Variants in FBXL2 observed in about 807,000 individuals in gnomAD.
FBXL2 encodes the protein F-box and leucine rich repeat protein 2, also known as F-box/LRR-repeat protein 2.
In FBXL2, 38 loss-of-function variants were observed where a neutral mutation model predicts 69.2. That is an observed-to-expected ratio of 0.55 (90% CI 0.42 to 0.72). The LOEUF is 0.72. FBXL2 is among the 30% of genes least tolerant of loss of function. The pLI is 0.00. For missense variants in FBXL2, 354 were observed against 520.3 expected, an observed-to-expected ratio of 0.68 and a Z score of 3.11; for synonymous variants, 192 against 201.3, an observed-to-expected ratio of 0.95 and a Z score of 0.39.
downstream of FBXL2, chr3:33,390,478 C>T (rs2043715609): frequency 8.8e-7 from 1 of 1,141,168 alleles, no homozygotes; most frequent in Non-Finnish European, 1.3e-6. Flanking sequence ...CAGAGGTTAC[C>T]TTTAAATGAT....
chr3:33,365,868 C>T (rs1006547329), intron 5 of FBXL2, among the ~76,000 whole-genome samples: 1 of 152,082 alleles, frequency 6.6e-6, no homozygotes, highest in Non-Finnish European at 1.5e-5. Context: ...TTAGGATATA[C>T]CCCCCATAAC....
At chr3:33,363,055 T>C (rs1422667517) in intron 4 of FBXL2, among the ~76,000 whole-genome samples, 1 of 152,156 alleles carries the variant, frequency 6.6e-6, no homozygotes, top group East Asian at 1.9e-4. Flanking sequence ...TTGTTTGTTT[T>C]TATGAGACAG....
intron 2 of FBXL2, among the ~76,000 whole-genome samples, chr3:33,319,318 T>A (rs1220866750): frequency 2.0e-5 from 3 of 152,118 alleles, no homozygotes; most frequent in African/African-American, 7.2e-5. Flanking sequence ...TTAACTATTA[T>A]TGGAACCATT....
downstream of FBXL2, chr3:33,392,775 T>G: frequency 1.6e-6 from 1 of 633,256 alleles, no homozygotes; most frequent in East Asian, 2.9e-5. Flanking sequence ...GCACACGTGC[T>G]GCACTGCCTT....
intron 2 of FBXL2, among the ~76,000 whole-genome samples, chr3:33,350,966 A>T (rs2154036920): frequency 6.6e-6 from 1 of 152,276 alleles, no homozygotes; most frequent in Admixed American, 6.5e-5. Context: ...AAAAATAGTA[A>T]TAATAAACCT....
the FBXL2 span, chr3:33,409,461 G>T: frequency 6.2e-7 from 1 of 1,614,106 alleles, no homozygotes; most frequent in Non-Finnish European, 8.5e-7. Context: ...TAAAAACTTT[G>T]ATTTGGCAGC....
the FBXL2 span, among the ~76,000 whole-genome samples, chr3:33,417,384 C>T: frequency 2.0e-5 from 3 of 147,648 alleles, no homozygotes; most frequent in African/African-American, 2.5e-5. Flanking sequence ...CAGAATCATA[C>T]AATATGTGGG....
Position 33,393,265 on chromosome 3 carries a change from A to G in FBXL2, n.1214+7537A>G, listed in dbSNP as rs375713326. On this transcript the variant is annotated intron_variant and non_coding_transcript_variant, in intron 12 of 12. Coordinates refer to the FBXL2 transcript ENST00000463736. ...TCTACAGTTCTACAATTACATGTAT[A>G]AAAGTAAATACCAGTCTGAAAAGGA... The G allele has an allele frequency of 7.9e-5, 121 of 1,540,650 alleles. No homozygotes were observed. In the African/African-American group the frequency reaches 1.5e-3, roughly 19 times the overall value.
intron 2 of FBXL2, among the ~76,000 whole-genome samples, chr3:33,329,119 T>C (rs1013477308): frequency 2.6e-5 from 4 of 152,150 alleles, no homozygotes; most frequent in African/African-American, 9.7e-5. Flanking sequence ...GAATAGACAT[T>C]TCTCAAAAGA....
intron 11 of FBXL2, 48 bp downstream of exon 11, chr3:33,377,381 G>T (rs774832927): frequency 6.3e-7 from 1 of 1,577,034 alleles, no homozygotes; most frequent in South Asian, 1.1e-5. Context: ...TTCACCTCCC[G>T]AATTCAAAGT....
rs549228888 is a variant in FBXL2 at position 33,311,446 on chromosome 3, T to A, written c.65+13721T>A. On this transcript the variant is annotated intron_variant, in intron 2 of 14. Transcript: ENST00000484457. ...ACTTCACTTGTTGGTGCCTCATAATTCTGATAGGCTTTCTTCACTCTTTTT... is the reference window on the plus strand; with the variant it reads ...ACTTCACTTGTTGGTGCCTCATAATACTGATAGGCTTTCTTCACTCTTTTT... Among the ~76,000 whole-genome samples, 30 of 152,330 alleles carry A rather than the reference T, an allele frequency of 2.0e-4. No individual in the cohort carries two copies. In the South Asian group the frequency reaches 6.2e-3, roughly 32 times the overall value.
downstream of FBXL2, chr3:33,388,964 T>TA (rs1685070033): frequency 6.6e-6 from 1 of 152,106 alleles, no homozygotes; most frequent in African/African-American, 2.4e-5. Context: ...GACACCTGGG[T>TA]ATATGGACAA....
At chr3:33,307,017 C>T (rs777719975) in intron 2 of FBXL2, among the ~76,000 whole-genome samples, 1 of 151,808 alleles carries the variant, frequency 6.6e-6, no homozygotes, top group African/African-American at 2.4e-5. Flanking sequence ...TTTTATTTGC[C>T]AGTTTTAGAA....
At position 33,386,561 on chromosome 3, in the gene FBXL2, ACT is replaced by A. The variant is rs2043447776; in HGVS notation, c.*955_*956del. 6.6e-6 allele frequency: 1 copy of A among 152,040 alleles called. No homozygotes were observed. The allele number at this position is 152,040 out of a possible 1,614,324, so 9.4% of individuals were successfully genotyped here. On this transcript the variant is annotated 3_prime_UTR_variant, in exon 15 of 15. Coordinates refer to ENST00000484457, the MANE Select transcript of FBXL2 (RefSeq NM_012157.5). ...TACTCAAAAGTTTTACACACTTAAA[ACT>A]CAGATCAGTAAGTGTTGGTACCTTT...
At chr3:33,398,772 G>C (rs1199667855) in intron 12 of FBXL2, among the ~76,000 whole-genome samples, 5 of 152,184 alleles carry the variant, frequency 3.3e-5, no homozygotes. Flanking sequence ...GAGTAATGTG[G>C]GGCCTCCTTC....
At chr3:33,337,626 AAAAG>A (rs922284604) in intron 2 of FBXL2, among the ~76,000 whole-genome samples, 9 of 152,176 alleles carry the variant, frequency 5.9e-5, no homozygotes, top group East Asian at 1.9e-4. Context: ...GCAATCAGGC[AAAAG>A]AAAGAAAGAA....
intron 2 of FBXL2, among the ~76,000 whole-genome samples, chr3:33,347,590 C>T (rs1017489217): frequency 6.6e-6 from 1 of 152,086 alleles, no homozygotes; most frequent in Non-Finnish European, 1.5e-5. Context: ...TTTTGAGGAA[C>T]CTCCAAACTG....
At chr3:33,411,480 T>C in the FBXL2 span, 2 of 1,001,522 alleles carry the variant, frequency 2.0e-6, no homozygotes, top group African/African-American at 1.6e-5. Context: ...ACATAGTTTA[T>C]AAATAGACAT....
intron 12 of FBXL2, among the ~76,000 whole-genome samples, chr3:33,400,655 A>G (rs1287287639): frequency 6.6e-6 from 1 of 152,158 alleles, no homozygotes; most frequent in Non-Finnish European, 1.5e-5. Context: ...AAAATAGGTA[A>G]CAGAGACCGG....
Sources: allele counts gnomAD v4.1 joint callset (sites outside exome capture counted in the v4.1 genomes callset), GRCh38; gene constraint gnomAD v4.1.1; transcripts MANE v1.5; gene names NCBI Gene and HGNC (gene_info 2026-07-23, HGNC 2026-07-21).